RIMS2: variants seen among roughly 807,000 people sequenced by gnomAD.
The protein encoded by RIMS2 is regulating synaptic membrane exocytosis 2, also known as regulating synaptic membrane exocytosis protein 2.
RIMS2 carries 59 observed loss-of-function variants against 174.4 expected under a neutral mutation model. The observed-to-expected ratio is 0.34, with a 90% CI of 0.27 to 0.42. The LOEUF (loss-of-function observed/expected upper bound fraction) is 0.42. Among genes scored for constraint, RIMS2 ranks in the 10% least tolerant of loss-of-function variants. The pLI, the probability that RIMS2 is intolerant of heterozygous loss-of-function variation, is 1.00. For synonymous variants in RIMS2, 606 were observed against 572.5 expected (o/e 1.06, Z -0.84); for missense variants, 1,620 against 1,666.3 (o/e 0.97, Z 0.48).
At chr8:103,898,504 A>G (rs1366607019) in intron 4 of RIMS2, among the ~76,000 whole-genome samples, 2 of 151,654 alleles carry the variant, frequency 1.3e-5, no homozygotes, top group Non-Finnish European at 2.9e-5. Context: ...AGATGGGGCT[A>G]CTACTTGATT....
intron 19 of RIMS2, among the ~76,000 whole-genome samples, chr8:104,044,771 A>T (rs2096665262): frequency 6.6e-6 from 1 of 151,700 alleles, no homozygotes; most frequent in Non-Finnish European, 1.5e-5. Context: ...ACAGACCCCT[A>T]ATACTGTAAG....
intron 3 of RIMS2, among the ~76,000 whole-genome samples, chr8:103,822,105 C>G (rs1463771832): frequency 1.3e-5 from 2 of 151,490 alleles, no homozygotes; most frequent in Non-Finnish European, 3.0e-5. Context: ...TCAATTTGGA[C>G]AATTAGATAT....
At chr8:103,747,431 CA>C (rs144184832) in intron 2 of RIMS2, among the ~76,000 whole-genome samples, 41 of 144,856 alleles carry the variant, frequency 2.8e-4, no homozygotes, top group South Asian at 6.6e-4. Flanking sequence ...ACGTTTTGAC[CA>C]AAAAAAAAAT....
chr8:103,784,005 T>A (rs1165579500), intron 3 of RIMS2, among the ~76,000 whole-genome samples: 3 of 151,866 alleles, frequency 2.0e-5, no homozygotes, highest in African/African-American at 7.3e-5. Flanking sequence ...GATTTGCATT[T>A]CTCTGATGGT....
intron 4 of RIMS2, among the ~76,000 whole-genome samples, chr8:103,897,176 G>T (rs776440355): frequency 2.0e-5 from 3 of 151,384 alleles, no homozygotes; most frequent in Non-Finnish European, 2.9e-5. Context: ...CAAGCCATTT[G>T]CCCTGCCTAT....
At chr8:103,910,962 C>T (rs2075562196) in intron 5 of RIMS2, among the ~76,000 whole-genome samples, 2 of 152,148 alleles carry the variant, frequency 1.3e-5, no homozygotes, top group Non-Finnish European at 1.5e-5. Context: ...GGTCTGTTTG[C>T]ACAGAAAAAG....
intron 16 of RIMS2, among the ~76,000 whole-genome samples, chr8:103,982,729 T>C (rs1262075139): frequency 2.6e-5 from 4 of 152,054 alleles, no homozygotes; most frequent in Non-Finnish European, 2.9e-5. Flanking sequence ...CTCAAAAAAC[T>C]GGGGATGCAA....
chr8:103,780,940 CTTTT>C (rs1280788031), intron 3 of RIMS2, among the ~76,000 whole-genome samples: 84 of 151,674 alleles, frequency 5.5e-4, no homozygotes, highest in Non-Finnish European at 6.3e-4. Flanking sequence ...TTGCTGCCTT[CTTTT>C]TGTTGCTGGA....
chr8:104,115,879 C>A (rs12681340), intron 19 of RIMS2, among the ~76,000 whole-genome samples: 1,983 of 152,140 alleles, frequency 0.013, 22 homozygotes, highest in Middle Eastern at 0.11. Context: ...GATCAGAAAC[C>A]CTAATTCTTA....
rs182784771 is a variant in RIMS2 at position 103,639,837 on chromosome 8, T to C, written c.177-57249T>C. Among the ~76,000 whole-genome samples, 134 of 152,082 alleles carry C rather than the reference T, an allele frequency of 8.8e-4. 1 individual carries two copies. Among genetic ancestry groups the C allele is most frequent in the Non-Finnish European group, 1.5e-3 (105 of 67,828 alleles). On this transcript the variant is annotated intron_variant, in intron 1 of 23. Coordinates refer to ENST00000504942, the Ensembl canonical transcript of RIMS2. The stretch of plus-strand genomic sequence containing the variant: ...GTGGGATTGCTAGGTCTTTTGCCTT[T>C]TAATATAAACTTTGAGTCATTGTTG...
chr8:104,041,320 TC>T lies in RIMS2; in HGVS notation c.3334+26706del. 1 of 698,012 alleles carries T rather than the reference TC, an allele frequency of 1.4e-6. No homozygotes were observed. Among genetic ancestry groups the T allele is most frequent in the Non-Finnish European group, 2.6e-6 (1 of 379,958 alleles). 43.2% of individuals were successfully genotyped at this position (698,012 alleles called of 1,614,324 possible). On this transcript the variant is annotated intron_variant, in intron 19 of 23. Transcript: ENST00000504942. ...TATGTCTGTCCATTACACGATGTGA[TC>T]ACAGAAGAACTGGACTCTACAAGGA...
chr8:104,206,666 A>T (rs1400235310), intron 19 of RIMS2, among the ~76,000 whole-genome samples: 1 of 152,210 alleles, frequency 6.6e-6, no homozygotes, highest in Non-Finnish European at 1.5e-5. Context: ...GCAATTGCCC[A>T]AGCATGGCTT....
chr8:104,154,963 C>CT (rs71575999), intron 19 of RIMS2, among the ~76,000 whole-genome samples: 91,071 of 149,262 alleles, frequency 0.61, 27,725 homozygotes, highest in Middle Eastern at 0.69. Flanking sequence ...GTAGAGTTTA[C>CT]TTTTTTTTTT....
chr8:104,095,747 A>G (rs775710069), intron 19 of RIMS2, among the ~76,000 whole-genome samples: 23 of 152,112 alleles, frequency 1.5e-4, no homozygotes, highest in Non-Finnish European at 3.1e-4. Context: ...AAGCCTGCTC[A>G]ATAAAAGCAC....
chr8:104,026,399 G>A (rs2096258497), intron 19 of RIMS2, among the ~76,000 whole-genome samples: 2 of 152,008 alleles, frequency 1.3e-5, no homozygotes, highest in Non-Finnish European at 2.9e-5. Context: ...TTTCATTATT[G>A]TTTGTTAATT....
chr8:104,051,192 TTGCAGCGC>T (rs1415658066), intron 19 of RIMS2, among the ~76,000 whole-genome samples: 1 of 151,956 alleles, frequency 6.6e-6, no homozygotes, highest in African/African-American at 2.4e-5. Context: ...TGAGCCATAA[TTGCAGCGC>T]TGCACTCCAG....
intron 17 of RIMS2, among the ~76,000 whole-genome samples, chr8:103,994,073 T>TA (rs1269409597): frequency 6.8e-6 from 1 of 146,440 alleles, no homozygotes; most frequent in Admixed American, 6.8e-5. Context: ...AAAAAAAGAA[T>TA]AAAAAAAATG....
intron 19 of RIMS2, among the ~76,000 whole-genome samples, chr8:104,192,584 T>C (rs2099003424): frequency 6.6e-6 from 1 of 152,176 alleles, no homozygotes; most frequent in Non-Finnish European, 1.5e-5. Context: ...CAAATGAGTA[T>C]CATTCAAAAC....
intron 4 of RIMS2, among the ~76,000 whole-genome samples, chr8:103,893,396 G>A (rs1014491221): frequency 6.6e-6 from 1 of 152,044 alleles, no homozygotes; most frequent in South Asian, 2.1e-4. Flanking sequence ...AGTCAGTTTA[G>A]CAGCAAAACA....
Sources: allele counts gnomAD v4.1 joint callset (sites outside exome capture counted in the v4.1 genomes callset), GRCh38; gene constraint gnomAD v4.1.1; transcripts MANE v1.5; gene names NCBI Gene and HGNC (gene_info 2026-07-23, HGNC 2026-07-21).